The following DPP10 variants were observed in gnomAD, a reference collection of about 807,000 sequenced individuals.
DPP10 encodes the protein dipeptidyl peptidase like 10.
A neutral mutation model predicts 120.9 loss-of-function variants in DPP10; 33 were observed. The ratio of observed to expected loss-of-function variants is 0.27; its 90% CI spans 0.21 to 0.37. The LOEUF (loss-of-function observed/expected upper bound fraction) is 0.37, where lower values mean the gene tolerates loss of function less well. DPP10 is among the 10% of genes least tolerant of loss of function. DPP10 has a pLI of 1.00. For synonymous variants in DPP10, 337 were observed against 326.1 expected (o/e 1.03, Z -0.36); for missense variants, 816 against 942.8 (o/e 0.87, Z 1.76).
chr2:115,535,155 G>A (rs2078734685), intron 5 of DPP10, among the ~76,000 whole-genome samples: 2 of 152,028 alleles, frequency 1.3e-5, no homozygotes, highest in South Asian at 4.1e-4. Context: ...TGTTGCCATT[G>A]CTTTTGGTGT....
chr2:115,196,363 T>A (rs1048033932), intron 1 of DPP10, among the ~76,000 whole-genome samples: 3 of 152,240 alleles, frequency 2.0e-5, no homozygotes, highest in Non-Finnish European at 4.4e-5. Context: ...GGGTGAAGAA[T>A]GCTGACAATG....
intron 1 of DPP10, among the ~76,000 whole-genome samples, chr2:114,546,858 A>AT (rs1197332841): frequency 6.6e-6 from 1 of 152,236 alleles, no homozygotes; most frequent in African/African-American, 2.4e-5. Flanking sequence ...GGCTAACAAA[A>AT]TAGAGAATGT....
At chr2:115,525,851 A>G in intron 4 of DPP10, 47 bp from the exon 5 acceptor site, 11 of 1,417,518 alleles carry the variant, frequency 7.8e-6, no homozygotes, top group Non-Finnish European at 9.6e-6. Flanking sequence ...ATCCAAATTC[A>G]TGTTAAGAAG....
intron 2 of DPP10, among the ~76,000 whole-genome samples, chr2:115,326,856 A>C (rs1001809832): frequency 6.6e-6 from 1 of 152,074 alleles, no homozygotes; most frequent in Non-Finnish European, 1.5e-5. Flanking sequence ...GATAAAGTAA[A>C]GCAGTTACAG....
At chr2:115,379,680 G>T (rs577134709) in intron 3 of DPP10, among the ~76,000 whole-genome samples, 69 of 152,064 alleles carry the variant, frequency 4.5e-4, no homozygotes, top group Middle Eastern at 3.4e-3. Context: ...GCTTTGTCTT[G>T]TGGGCATTTA....
chr2:114,934,701 A>T (rs907838558), intron 1 of DPP10, among the ~76,000 whole-genome samples: 2 of 152,050 alleles, frequency 1.3e-5, no homozygotes, highest in African/African-American at 4.8e-5. Context: ...ACCAAGACTG[A>T]TGCTGGATGA....
intron 1 of DPP10, among the ~76,000 whole-genome samples, chr2:114,913,413 C>T (rs905103550): frequency 3.3e-5 from 5 of 152,200 alleles, no homozygotes; most frequent in Non-Finnish European, 4.4e-5. Context: ...TGCATAACCT[C>T]GAGGGGCCAG....
chr2:115,448,054 G>A (rs546469395), intron 3 of DPP10, among the ~76,000 whole-genome samples: 4 of 152,274 alleles, frequency 2.6e-5, no homozygotes, highest in Middle Eastern at 3.4e-3. Flanking sequence ...GTTTAAGTTC[G>A]ACAGAAGGAG....
chr2:115,710,030 A>T (rs866488897), intron 7 of DPP10, among the ~76,000 whole-genome samples: 2 of 152,168 alleles, frequency 1.3e-5, no homozygotes, highest in Non-Finnish European at 2.9e-5. Context: ...TGTGGAAGTG[A>T]ACAGAGACAC....
intron 5 of DPP10, among the ~76,000 whole-genome samples, chr2:115,635,102 T>C (rs937598419): frequency 6.6e-6 from 1 of 151,056 alleles, no homozygotes; most frequent in Non-Finnish European, 1.5e-5. Context: ...GCTGCAGTGA[T>C]GGCGGCCACC....
intron 1 of DPP10, among the ~76,000 whole-genome samples, chr2:114,725,968 C>T (rs189878212): frequency 6.6e-6 from 1 of 152,142 alleles, no homozygotes; most frequent in Admixed American, 6.5e-5. Context: ...TGCAGTGGCT[C>T]AAGCCTGTAA....
chr2:115,759,403 A>T (rs570090816), intron 11 of DPP10, among the ~76,000 whole-genome samples: 5 of 151,912 alleles, frequency 3.3e-5, no homozygotes, highest in South Asian at 4.1e-4. Context: ...ATATAAAAAA[A>T]AAAAAATAAA....
chr2:115,285,526 T>C (rs1574293963), intron 1 of DPP10, among the ~76,000 whole-genome samples: 1 of 152,168 alleles, frequency 6.6e-6, no homozygotes, highest in Admixed American at 6.6e-5. Flanking sequence ...AGAACTCCAA[T>C]GAGAGAAAAG....
At chr2:114,854,563 G>T (rs1029145938) in intron 1 of DPP10, among the ~76,000 whole-genome samples, 1 of 152,156 alleles carries the variant, frequency 6.6e-6, no homozygotes, top group Non-Finnish European at 1.5e-5. Context: ...TCAGAGGAAT[G>T]AGAACAGGTA....
intron 1 of DPP10, among the ~76,000 whole-genome samples, chr2:114,731,095 A>G (rs537731578): frequency 1.3e-3 from 195 of 151,788 alleles, no homozygotes; most frequent in African/African-American, 4.6e-3. Context: ...ATTCATCTCC[A>G]CTGTGGATAG....
chr2:115,811,958 A>G (rs568277129), intron 19 of DPP10, among the ~76,000 whole-genome samples: 6 of 152,342 alleles, frequency 3.9e-5, no homozygotes, highest in East Asian at 1.9e-4. Flanking sequence ...TTCTTCAAGT[A>G]AAAGAATAAA....
At chr2:115,575,757 T>C (rs1164027907) in intron 5 of DPP10, among the ~76,000 whole-genome samples, 2 of 152,144 alleles carry the variant, frequency 1.3e-5, no homozygotes, top group Non-Finnish European at 2.9e-5. Context: ...TGAGAGAGCA[T>C]ACTGGATTAT....
At chr2:115,002,397 A>T (rs571247555) in intron 1 of DPP10, among the ~76,000 whole-genome samples, 1 of 152,326 alleles carries the variant, frequency 6.6e-6, no homozygotes. Flanking sequence ...CTTAAATGTA[A>T]AACCTAAAAC....
intron 5 of DPP10, among the ~76,000 whole-genome samples, chr2:115,619,724 G>A (rs1018688905): frequency 6.6e-6 from 1 of 152,114 alleles, no homozygotes; most frequent in African/African-American, 2.4e-5. Context: ...TTTTCTCTGT[G>A]TGGACTTCTA....
Sources: gnomAD v4.1 joint callset for allele counts (sites outside exome capture counted in the v4.1 genomes callset) on GRCh38, gnomAD v4.1.1 for gene constraint, MANE v1.5 for transcripts, NCBI Gene and HGNC (gene_info 2026-07-23, HGNC 2026-07-21) for gene names.